NKAIN3: variants seen among roughly 807,000 people sequenced by gnomAD.
NKAIN3 encodes the protein sodium/potassium-transporting ATPase subunit beta-1-interacting protein 3.
In NKAIN3, 25 loss-of-function variants were observed where a neutral mutation model predicts 30.2. That is an observed-to-expected ratio of 0.83 (90% CI 0.60 to 1.16). NKAIN3 has a LOEUF of 1.16. Among genes scored for constraint, NKAIN3 ranks in the 50% most tolerant of loss-of-function variants. The pLI is 0.00. For missense variants in NKAIN3, 225 were observed against 254.1 expected, an observed-to-expected ratio of 0.89 and a Z score of 0.78; for synonymous variants, 91 against 89.6, an observed-to-expected ratio of 1.02 and a Z score of -0.09.
intron 4 of NKAIN3, among the ~76,000 whole-genome samples, chr8:62,789,596 T>C (rs1817637329): frequency 6.6e-6 from 1 of 151,268 alleles, no homozygotes; most frequent in African/African-American, 2.4e-5. Flanking sequence ...GAGAGAAGAA[T>C]CAAATAGATG....
intron 5 of NKAIN3, among the ~76,000 whole-genome samples, chr8:62,943,244 T>C (rs1320274824): frequency 6.6e-6 from 1 of 151,986 alleles, no homozygotes; most frequent in Non-Finnish European, 1.5e-5. Flanking sequence ...GAATAGGCAA[T>C]TCTAAAAAGA....
At chr8:62,518,958 T>C (rs970948879) in intron 1 of NKAIN3, among the ~76,000 whole-genome samples, 4 of 152,188 alleles carry the variant, frequency 2.6e-5, no homozygotes, top group African/African-American at 9.6e-5. Flanking sequence ...AGAGTCATTT[T>C]AGCACTCGAA....
At chr8:62,909,388 G>A (rs1351358158) in intron 4 of NKAIN3, among the ~76,000 whole-genome samples, 1 of 152,052 alleles carries the variant, frequency 6.6e-6, no homozygotes, top group East Asian at 1.9e-4. Context: ...CTACAGAAAT[G>A]GATACCTTTA....
intron 1 of NKAIN3, among the ~76,000 whole-genome samples, chr8:62,533,410 AG>A (rs1256925502): frequency 6.6e-6 from 1 of 152,238 alleles, no homozygotes; most frequent in African/African-American, 2.4e-5. Flanking sequence ...GACACCAAAA[AG>A]GAAGTCTCCT....
At chr8:62,895,121 A>C (rs1821394056) in intron 4 of NKAIN3, among the ~76,000 whole-genome samples, 1 of 152,212 alleles carries the variant, frequency 6.6e-6, no homozygotes, top group Non-Finnish European at 1.5e-5. Context: ...AGGGATATTG[A>C]ATAGGCAACT....
chr8:62,973,562 T>A lies in NKAIN3; in HGVS notation c.*8155T>A, dbSNP rs530560224. Among the ~76,000 whole-genome samples, 1 of 152,214 alleles carries A rather than the reference T, an allele frequency of 6.6e-6. No individual in the cohort carries two copies. The highest frequency in any genetic ancestry group is 1.5e-5 in the Non-Finnish European group (1 of 68,036). ...TAAGTTCCTTGTAGATTCTGGATAT[T>A]AGCCCTTTGTCAGATGGATAGGTTG... On this transcript the variant is annotated 3_prime_UTR_variant, in exon 7 of 7. Transcript: ENST00000623646.
chr8:62,537,561 G>C (rs1808701660), intron 1 of NKAIN3, among the ~76,000 whole-genome samples: 1 of 151,750 alleles, frequency 6.6e-6, no homozygotes, highest in African/African-American at 2.4e-5. Context: ...TGAAGAATCA[G>C]GAAGAGTCTC....
chr8:62,919,898 T>C (rs1822226386), intron 5 of NKAIN3, among the ~76,000 whole-genome samples: 1 of 87,630 alleles, frequency 1.1e-5, no homozygotes, highest in African/African-American at 5.9e-5. Context: ...ATTTAATGCT[T>C]ACACAGAGTT....
rs1563942493 is a variant in NKAIN3 at position 62,345,422 on chromosome 8, T to TATATGTATATATACACAC, written c.54+96299_54+96300insGTATATATACACACATAT. ...ATACACATATATGTATATATACACA[T>TATATGTATATATACACAC]ATATACACATATATGTATATATACA... On this transcript the variant is annotated intron_variant, in intron 1 of 6. Coordinates refer to ENST00000623646, the MANE Select transcript of NKAIN3 (RefSeq NM_001304533.3). Among the ~76,000 whole-genome samples the TATATGTATATATACACAC allele has an allele frequency of 6.1e-5, 8 of 130,318 alleles. 3 individuals are homozygous for TATATGTATATATACACAC. Among genetic ancestry groups the TATATGTATATATACACAC allele is most frequent in the African/African-American group, 2.6e-4 (8 of 30,904 alleles). 85.5% of individuals were successfully genotyped at this position (130,318 alleles called of 152,430 possible).
intron 3 of NKAIN3, among the ~76,000 whole-genome samples, chr8:62,635,603 C>T (rs1204454124): frequency 6.6e-6 from 1 of 152,070 alleles, no homozygotes. Context: ...GGAAGGTGAT[C>T]AGGATTAGTG....
At chr8:62,665,587 G>A (rs1813073124) in intron 3 of NKAIN3, among the ~76,000 whole-genome samples, 1 of 152,156 alleles carries the variant, frequency 6.6e-6, no homozygotes, top group Non-Finnish European at 1.5e-5. Flanking sequence ...TTTGGTGATT[G>A]GGCCACAGGG....
chr8:62,356,479 C>A (rs1816361125), intron 1 of NKAIN3, among the ~76,000 whole-genome samples: 1 of 152,124 alleles, frequency 6.6e-6, no homozygotes, highest in African/African-American at 2.4e-5. Flanking sequence ...GCACCCATAT[C>A]CACCCAGGCA....
chr8:62,459,966 A>G (rs771824517), intron 1 of NKAIN3, among the ~76,000 whole-genome samples: 65 of 152,338 alleles, frequency 4.3e-4, no homozygotes, highest in Admixed American at 1.3e-3. Context: ...ACATGACTTT[A>G]TATGCTATTG....
At chr8:62,666,098 C>A (rs1379040261) in intron 3 of NKAIN3, among the ~76,000 whole-genome samples, 1 of 151,990 alleles carries the variant, frequency 6.6e-6, no homozygotes, top group Non-Finnish European at 1.5e-5. Context: ...CCTGTAATCC[C>A]AGCTACTCAG....
At chr8:62,623,765 A>G (rs1811697989) in intron 3 of NKAIN3, among the ~76,000 whole-genome samples, 1 of 152,088 alleles carries the variant, frequency 6.6e-6, no homozygotes, top group African/African-American at 2.4e-5. Flanking sequence ...GTCCCAGTCT[A>G]GACCCCGAGA....
intron 3 of NKAIN3, among the ~76,000 whole-genome samples, chr8:62,669,167 G>A (rs1470739089): frequency 1.3e-5 from 2 of 152,168 alleles, no homozygotes; most frequent in African/African-American, 4.8e-5. Context: ...GCATGACTGG[G>A]ATGTTAACAT....
chr8:62,700,454 G>A (rs942225324), intron 3 of NKAIN3, among the ~76,000 whole-genome samples: 1 of 152,166 alleles, frequency 6.6e-6, no homozygotes, highest in Non-Finnish European at 1.5e-5. Context: ...ATTGCCTCAG[G>A]ATAATTTCAT....
chr8:62,805,681 C>T (rs1371937592), intron 4 of NKAIN3, among the ~76,000 whole-genome samples: 2 of 152,178 alleles, frequency 1.3e-5, no homozygotes, highest in Non-Finnish European at 2.9e-5. Context: ...ACATGTTAGA[C>T]CTAAAACCAT....
rs182759718 is a variant in NKAIN3 at position 62,399,537 on chromosome 8, A to T, written c.54+150410A>T. On this transcript the variant is annotated intron_variant, in intron 1 of 6. Transcript: ENST00000623646. ...AAAAGAGAGAGAGAGAGAGAAAGAA[A>T]TACATATTCAGTGCTGAGATTTGCT... is the stretch of plus-strand genomic sequence containing the variant. Among the ~76,000 whole-genome samples the T allele has an allele frequency of 3.9e-5, 6 of 152,300 alleles. No homozygotes were observed. The East Asian group carries it at 1.2e-3, about 29-fold the overall frequency.
Sources: gnomAD v4.1 joint callset for allele counts (sites outside exome capture counted in the v4.1 genomes callset) on GRCh38, gnomAD v4.1.1 for gene constraint, MANE v1.5 for transcripts, NCBI Gene and HGNC (gene_info 2026-07-23, HGNC 2026-07-21) for gene names.